KIZ: variants seen among roughly 807,000 people sequenced by gnomAD.
The protein encoded by KIZ is kizuna centrosomal protein, also known as centrosomal protein kizuna.
A neutral mutation model predicts 79.6 loss-of-function variants in KIZ; 68 were observed. The ratio of observed to expected loss-of-function variants is 0.85; its 90% confidence interval spans 0.70 to 1.05. The LOEUF is 1.05. Among genes scored for constraint, KIZ ranks in the 50% least tolerant of loss-of-function variants. KIZ has a pLI of 0.00. For missense variants in KIZ, 797 were observed against 800.4 expected, an observed-to-expected ratio of 1.00 and a Z score of 0.05; for synonymous variants, 280 against 281.8, an observed-to-expected ratio of 0.99 and a Z score of 0.06.
chr20:21,208,650 C>T (rs551133592), intron 7 of KIZ, among the ~76,000 whole-genome samples: 2 of 151,376 alleles, frequency 1.3e-5, no homozygotes, highest in East Asian at 1.9e-4. Context: ...TTGCGGTGAC[C>T]GAGATTGCGC....
chr20:21,231,985 G>A (rs1568999391), intron 10 of KIZ, among the ~76,000 whole-genome samples: 1 of 152,344 alleles, frequency 6.6e-6, no homozygotes, highest in East Asian at 1.9e-4. Context: ...GCTGCAGAGT[G>A]TACATGCAAG....
At chr20:21,143,079 T>C (rs1251830786) in intron 3 of KIZ, among the ~76,000 whole-genome samples, 2 of 152,016 alleles carry the variant, frequency 1.3e-5, no homozygotes, top group Non-Finnish European at 2.9e-5. Flanking sequence ...TTGGTAAAAG[T>C]TCACGATCTA....
intron 10 of KIZ, among the ~76,000 whole-genome samples, chr20:21,232,222 C>T (rs1000209503): frequency 1.3e-5 from 2 of 152,198 alleles, no homozygotes; most frequent in Non-Finnish European, 2.9e-5. Flanking sequence ...GCATCCTCCT[C>T]CTCAACCTTT....
At chr20:21,185,358 T>C (rs1023446027) in intron 6 of KIZ, among the ~76,000 whole-genome samples, 4 of 152,078 alleles carry the variant, frequency 2.6e-5, no homozygotes, top group Non-Finnish European at 4.4e-5. Context: ...TCAAATTTGT[T>C]TTCTTTACTG....
At position 21,246,422 on chromosome 20, in the gene KIZ, G is replaced by A. The variant is rs761971768; in HGVS notation, c.1925-57G>A. 5 of 1,071,832 alleles carry A rather than the reference G, an allele frequency of 4.7e-6. No homozygotes were observed. In the South Asian group the frequency reaches 6.6e-5, roughly 14 times the overall value. 66.4% of individuals were successfully genotyped at this position (1,071,832 alleles called of 1,614,324 possible). A position where few individuals can be genotyped will look rare whatever the true frequency, so the allele number is the denominator to read the frequency against. ...CAGTCCTTCCGTGCTGTGCTGTTTTGTAAGCTCTTAACCAGAATGCAAAAA... is the reference window on the plus strand; with the variant it reads ...CAGTCCTTCCGTGCTGTGCTGTTTTATAAGCTCTTAACCAGAATGCAAAAA... On this transcript the variant is annotated intron_variant, in intron 12 of 12. Transcript: ENST00000619189.
chr20:21,128,299 C>G (rs2031613012), intron 1 of KIZ, among the ~76,000 whole-genome samples: 1 of 152,202 alleles, frequency 6.6e-6, no homozygotes, highest in African/African-American at 2.4e-5. Flanking sequence ...AGGTGTGAGC[C>G]ACTGCACCCG....
rs2036258202 is a variant in KIZ at position 21,215,651 on chromosome 20, A to G, written c.1678+3A>G. On this transcript the variant is annotated splice_donor_region_variant and intron_variant, in intron 9 of 12. Transcript: ENST00000619189. The stretch of plus-strand genomic sequence containing the variant: ...GGCTGCAGATATCCCAATCACAGGT[A>G]AAGCTATGGTTGCCTAAGAGTTTCA... The G allele has an allele frequency of 1.3e-6, 2 of 1,588,716 alleles. No individual in the cohort carries two copies. The highest frequency in any genetic ancestry group is 8.6e-7 in the Non-Finnish European group (1 of 1,159,416).
intron 6 of KIZ, among the ~76,000 whole-genome samples, chr20:21,181,299 C>T (rs1171006525): frequency 6.6e-6 from 1 of 152,100 alleles, no homozygotes; most frequent in Non-Finnish European, 1.5e-5. Flanking sequence ...TCATGCTGGC[C>T]CAGCCACACC....
Position 21,170,514 on chromosome 20 carries a change from G to A in KIZ, c.1352+7355G>A, listed in dbSNP as rs370639993. 1.9e-4 allele frequency among the ~76,000 whole-genome samples: 28 copies of A among 150,578 alleles called. No individual in the cohort carries two copies. The East Asian group carries it at 4.1e-3, about 22-fold the overall frequency. On this transcript the variant is annotated intron_variant, in intron 6 of 12. Coordinates refer to ENST00000619189, the MANE Select transcript of KIZ (RefSeq NM_018474.6). ...CGCCATTCTCCTGCCTCAGCCTCCC[G>A]AGTAGCTGGGACTACAGGCACACGC...
At chr20:21,155,960 G>A (rs528952038) in intron 4 of KIZ, among the ~76,000 whole-genome samples, 2 of 152,302 alleles carry the variant, frequency 1.3e-5, no homozygotes, top group South Asian at 4.1e-4. Flanking sequence ...AGCATGGTTA[G>A]GACTTTTGAT....
rs544768728 is a variant in KIZ, at chr20:21,216,952, G to A, written c.1678+1304G>A. On this transcript the variant is annotated intron_variant, in intron 9 of 12. Coordinates refer to ENST00000619189, the MANE Select transcript of KIZ (RefSeq NM_018474.6). ...TCATATACTTTCTTTATAAGAAAAC[G>A]GATAATTAAGTACCAGGGTTTCAAA... Among the ~76,000 whole-genome samples the A allele has an allele frequency of 4.6e-5, 7 of 152,090 alleles. No individual in the cohort carries two copies. In the East Asian group the frequency reaches 9.7e-4, roughly 21 times the overall value.
chr20:21,219,181 AGGT>A (rs2036414768), intron 9 of KIZ, among the ~76,000 whole-genome samples: 1 of 76,072 alleles, frequency 1.3e-5, no homozygotes, highest in Admixed American at 1.4e-4. Flanking sequence ...GCCATATACC[AGGT>A]AGAATATTTA....
chr20:21,200,374 T>C (rs1360701772), intron 6 of KIZ, among the ~76,000 whole-genome samples: 1 of 152,080 alleles, frequency 6.6e-6, no homozygotes, highest in Non-Finnish European at 1.5e-5. Context: ...TCAGGATGAT[T>C]CAAGTACATT....
chr20:21,132,430 T>C (rs2031912379), intron 2 of KIZ, among the ~76,000 whole-genome samples: 1 of 152,102 alleles, frequency 6.6e-6, no homozygotes, highest in African/African-American at 2.4e-5. Context: ...TACAGGTATG[T>C]GCCACCATGC....
In KIZ at chr20:21,232,750, C is replaced by A; in HGVS notation, c.1800C>A (p.Ser600Arg). Residue 600 changes from serine to arginine, a missense_variant, in exon 11 of 13, where the codon AGC becomes AGA. Coordinates refer to ENST00000619189, the MANE Select transcript of KIZ (RefSeq NM_018474.6). ...VSHLSGLNIG[S>R]GAFETKTANK... is the part of the protein sequence containing the mutation. The stretch of plus-strand genomic sequence containing the variant: ...TTATCACAGGTTTGAATATTGGCAG[C>A]GGTGCATTCGAGACAAAGACAGCTA... 1 of 1,577,288 alleles carries A rather than the reference C, an allele frequency of 6.3e-7. No individual in the cohort carries two copies. The highest frequency in any genetic ancestry group is 8.7e-7 in the Non-Finnish European group (1 of 1,153,442).
intron 9 of KIZ, among the ~76,000 whole-genome samples, chr20:21,221,979 C>T (rs573241518): frequency 2.0e-5 from 3 of 152,246 alleles, no homozygotes; most frequent in East Asian, 1.9e-4. Flanking sequence ...GTGCCTGGAA[C>T]GGGAAACCCC....
intron 5 of KIZ, 47 bp from the exon 6 acceptor site, chr20:21,162,803 C>T (rs2033739872): frequency 6.8e-7 from 1 of 1,473,926 alleles, no homozygotes; most frequent in Non-Finnish European, 9.3e-7. Flanking sequence ...TACCTTGCTT[C>T]CTCCTGAAGT....
intron 11 of KIZ, among the ~76,000 whole-genome samples, chr20:21,239,518 G>T (rs1218618668): frequency 6.6e-6 from 1 of 152,180 alleles, no homozygotes; most frequent in East Asian, 1.9e-4. Context: ...TGAATGCTGT[G>T]TTCTAATTAA....
At chr20:21,209,139 C>T (rs963534336) in intron 7 of KIZ, among the ~76,000 whole-genome samples, 7 of 152,178 alleles carry the variant, frequency 4.6e-5, no homozygotes, top group Non-Finnish European at 8.8e-5. Flanking sequence ...CCTGTGCTGT[C>T]AGCCCGAGTC....
Sources: allele counts gnomAD v4.1 joint callset (sites outside exome capture counted in the v4.1 genomes callset), GRCh38; gene constraint gnomAD v4.1.1; transcripts MANE v1.5; gene names NCBI Gene and HGNC (gene_info 2026-07-23, HGNC 2026-07-21).